CTNND2: variants seen among roughly 807,000 people sequenced by gnomAD.
The protein encoded by CTNND2 is catenin delta-2.
A neutral mutation model predicts 144.4 loss-of-function variants in CTNND2; 22 were observed. That is an observed-to-expected ratio of 0.15 (90% CI 0.11 to 0.22). The LOEUF (loss-of-function observed/expected upper bound fraction) is 0.22, where lower values mean the gene tolerates loss of function less well. CTNND2 is among the 10% of genes least tolerant of loss of function. The pLI, the probability that CTNND2 is intolerant of heterozygous loss-of-function variation, is 1.00. For synonymous variants in CTNND2, 751 were observed against 695.6 expected (o/e 1.08, Z -1.25); for missense variants, 1,353 against 1,618.8 (o/e 0.84, Z 2.82).
chr5:11,556,948 A>G (rs1217159973), intron 3 of CTNND2, among the ~76,000 whole-genome samples: 1 of 152,114 alleles, frequency 6.6e-6, no homozygotes, highest in Non-Finnish European at 1.5e-5. Context: ...TTCTATAGTA[A>G]ACCATCACTC....
chr5:11,216,575 G>C (rs1318795428), intron 10 of CTNND2, among the ~76,000 whole-genome samples: 1 of 152,186 alleles, frequency 6.6e-6, no homozygotes, highest in Non-Finnish European at 1.5e-5. Context: ...CTCCAGAAAG[G>C]AACACAAACC....
chr5:11,207,070 G>A (rs1738121292), intron 10 of CTNND2, among the ~76,000 whole-genome samples: 1 of 152,182 alleles, frequency 6.6e-6, no homozygotes, highest in Non-Finnish European at 1.5e-5. Flanking sequence ...AAAAGGATGA[G>A]TTCGTGTCCT....
intron 2 of CTNND2, among the ~76,000 whole-genome samples, chr5:11,680,156 T>G (rs980555193): frequency 6.6e-6 from 1 of 152,066 alleles, no homozygotes; most frequent in Non-Finnish European, 1.5e-5. Flanking sequence ...GACCACAGGA[T>G]GCTGAGAAAC....
chr5:11,881,064 T>C (rs1162328066), intron 1 of CTNND2, among the ~76,000 whole-genome samples: 1 of 149,716 alleles, frequency 6.7e-6, no homozygotes, highest in Non-Finnish European at 1.5e-5. Flanking sequence ...CCACTACTAC[T>C]ACTACTATTA....
intron 1 of CTNND2, among the ~76,000 whole-genome samples, chr5:11,847,131 TATATATA>T (rs1794777630): frequency 2.2e-4 from 2 of 9,106 alleles, no homozygotes; most frequent in East Asian, 1.3e-3. Flanking sequence ...AAAGATTTTA[TATATATA>T]TATATATATA....
At chr5:11,177,053 T>C (rs1560974371) in intron 11 of CTNND2, among the ~76,000 whole-genome samples, 1 of 152,236 alleles carries the variant, frequency 6.6e-6, no homozygotes, top group Non-Finnish European at 1.5e-5. Context: ...ACCTCTCTTC[T>C]GGGAGCTGAG....
chr5:11,233,325 T>C (rs1197176107), intron 10 of CTNND2, among the ~76,000 whole-genome samples: 1 of 152,192 alleles, frequency 6.6e-6, no homozygotes, highest in East Asian at 1.9e-4. Context: ...GGCTTTATTA[T>C]ATGAAAACCG....
At chr5:11,245,675 C>A (rs188586441) in intron 9 of CTNND2, among the ~76,000 whole-genome samples, 1 of 152,114 alleles carries the variant, frequency 6.6e-6, no homozygotes, top group Non-Finnish European at 1.5e-5. Flanking sequence ...CAAAACTGTA[C>A]GAGAATAAAT....
chr5:11,355,609 T>A (rs1204368183), intron 8 of CTNND2, among the ~76,000 whole-genome samples: 1 of 152,134 alleles, frequency 6.6e-6, no homozygotes, highest in Non-Finnish European at 1.5e-5. Context: ...GCTTTTACTC[T>A]AAGGTCAGGA....
intron 16 of CTNND2, among the ~76,000 whole-genome samples, chr5:11,059,230 C>T (rs749315611): frequency 3.9e-5 from 6 of 152,214 alleles, no homozygotes; most frequent in Non-Finnish European, 7.3e-5. Context: ...CAAATCTCAT[C>T]TAGAATTGTA....
chr5:11,757,522 T>C (rs988471040), intron 1 of CTNND2, among the ~76,000 whole-genome samples: 7 of 152,042 alleles, frequency 4.6e-5, no homozygotes, highest in African/African-American at 1.7e-4. Context: ...TCTTAAGCTG[T>C]GACAGATGCA....
At chr5:11,217,820 T>G (rs1420791405) in intron 10 of CTNND2, among the ~76,000 whole-genome samples, 1 of 152,204 alleles carries the variant, frequency 6.6e-6, no homozygotes, top group African/African-American at 2.4e-5. Context: ...TGTCTTTCTG[T>G]TGCCCCTACT....
At chr5:11,372,324 A>G (rs1012053431) in intron 7 of CTNND2, among the ~76,000 whole-genome samples, 1 of 152,184 alleles carries the variant, frequency 6.6e-6, no homozygotes, top group East Asian at 1.9e-4. Flanking sequence ...TCTATTCCCA[A>G]ACTGTTAGGA....
intron 2 of CTNND2, among the ~76,000 whole-genome samples, chr5:11,659,583 TG>T (rs1319081284): frequency 3.3e-5 from 5 of 152,042 alleles, no homozygotes; most frequent in Non-Finnish European, 7.4e-5. Context: ...CAAGGAAACA[TG>T]GAACAAGGAC....
chr5:11,508,889 C>A (rs533644538), intron 3 of CTNND2, among the ~76,000 whole-genome samples: 29 of 148,754 alleles, frequency 1.9e-4, no homozygotes, highest in East Asian at 1.2e-3. Context: ...CCAGCCTGGG[C>A]AATAGAGTGA....
At chr5:11,006,927 C>T (rs573785675) in intron 18 of CTNND2, among the ~76,000 whole-genome samples, 44 of 152,222 alleles carry the variant, frequency 2.9e-4, no homozygotes, top group African/African-American at 9.6e-4. Flanking sequence ...CAGGAGAAAA[C>T]GACTTAACAA....
At chr5:11,342,437 T>C (rs1294426191) in intron 9 of CTNND2, among the ~76,000 whole-genome samples, 1 of 152,224 alleles carries the variant, frequency 6.6e-6, no homozygotes, top group Non-Finnish European at 1.5e-5. Flanking sequence ...ATTAAAAATG[T>C]GCCATTGTAT....
At chr5:11,122,457 T>C (rs116387916) in intron 12 of CTNND2, among the ~76,000 whole-genome samples, 171 of 151,966 alleles carry the variant, frequency 1.1e-3, no homozygotes, top group African/African-American at 4.0e-3. Context: ...CCTATGTCTG[T>C]TTCCTCCTCT....
At chr5:11,693,761 T>C (rs1458618855) in intron 2 of CTNND2, among the ~76,000 whole-genome samples, 1 of 152,226 alleles carries the variant, frequency 6.6e-6, no homozygotes, top group African/African-American at 2.4e-5. Flanking sequence ...CACAGTACGA[T>C]TGATTCTTGT....
Sources: gnomAD v4.1 joint callset for allele counts (sites outside exome capture counted in the v4.1 genomes callset) on GRCh38, gnomAD v4.1.1 for gene constraint, MANE v1.5 for transcripts, NCBI Gene and HGNC (gene_info 2026-07-23, HGNC 2026-07-21) for gene names.